The following TIAM1 variants were observed in gnomAD, a reference collection of about 807,000 sequenced individuals.
TIAM1 encodes rho guanine nucleotide exchange factor TIAM1.
A neutral mutation model predicts 163.5 loss-of-function variants in TIAM1; 65 were observed. That is an observed-to-expected ratio of 0.40 (90% CI 0.33 to 0.49). The LOEUF is 0.49. Ranked by LOEUF, TIAM1 falls within the 20% of genes least tolerant of loss-of-function variation. TIAM1 has a pLI of 0.77. For missense variants in TIAM1, 1,789 were observed against 2,044.7 expected, an observed-to-expected ratio of 0.87 and a Z score of 2.41; for synonymous variants, 833 against 810.1, an observed-to-expected ratio of 1.03 and a Z score of -0.48.
chr21:31,211,334 C>G (rs1022023223), intron 10 of TIAM1, among the ~76,000 whole-genome samples: 3 of 151,898 alleles, frequency 2.0e-5, no homozygotes, highest in Non-Finnish European at 2.9e-5. Flanking sequence ...AGGAGCCCCG[C>G]GAAATAAGCA....
chr21:31,382,238 G>A lies in TIAM1; in HGVS notation c.-368-42816C>T, dbSNP rs371188953. Among the ~76,000 whole-genome samples the A allele has an allele frequency of 2.6e-5, 4 of 152,290 alleles. No homozygotes were observed. In the East Asian group the frequency reaches 7.7e-4, roughly 29 times the overall value. On this transcript the variant is annotated intron_variant, in intron 2 of 28. Transcript: ENST00000286827. ...GACCTCTGGGGCTAGATGTTTGAACGCTTATCAGCGCACTGTATATCCGTA... is the reference window on the plus strand; with the variant it reads ...GACCTCTGGGGCTAGATGTTTGAACACTTATCAGCGCACTGTATATCCGTA...
intron 1 of TIAM1, among the ~76,000 whole-genome samples, chr21:31,341,674 A>G (rs889480148): frequency 3.3e-5 from 5 of 152,228 alleles, no homozygotes; most frequent in African/African-American, 9.6e-5. Flanking sequence ...TCACAAACAG[A>G]AAGTATATTT....
intron 1 of TIAM1, among the ~76,000 whole-genome samples, chr21:31,555,953 G>T (rs1457647426): frequency 6.6e-6 from 1 of 152,078 alleles, no homozygotes; most frequent in Non-Finnish European, 1.5e-5. Context: ...CTGGTTTAGA[G>T]GGGGAGGGGA....
chr21:31,458,588 C>T (rs1356185882), intron 2 of TIAM1, among the ~76,000 whole-genome samples: 1 of 152,182 alleles, frequency 6.6e-6, no homozygotes, highest in Non-Finnish European at 1.5e-5. Flanking sequence ...ACCTGCTTAG[C>T]AGACCTGTCT....
intron 15 of TIAM1, among the ~76,000 whole-genome samples, chr21:31,169,037 A>C (rs1316900413): frequency 6.6e-6 from 1 of 152,232 alleles, no homozygotes; most frequent in African/African-American, 2.4e-5. Context: ...TCATGCCTGT[A>C]ATCCCAGCAC....
intron 2 of TIAM1, among the ~76,000 whole-genome samples, chr21:31,389,447 G>C (rs928052411): frequency 2.0e-5 from 3 of 152,152 alleles, no homozygotes; most frequent in African/African-American, 7.2e-5. Flanking sequence ...GACCCCAGGT[G>C]ATCTGCCTGC....
chr21:31,415,680 A>C (rs997969660), intron 2 of TIAM1, among the ~76,000 whole-genome samples: 1 of 152,062 alleles, frequency 6.6e-6, no homozygotes, highest in African/African-American at 2.4e-5. Context: ...TACCATTCTC[A>C]GCTTCTACAC....
chr21:31,278,845 C>T (rs1038275361), intron 2 of TIAM1, among the ~76,000 whole-genome samples: 1 of 152,094 alleles, frequency 6.6e-6, no homozygotes, highest in African/African-American at 2.4e-5. Flanking sequence ...CGGCTCTCTG[C>T]GAATTTCCGA....
chr21:31,480,651 G>A (rs2046080902), intron 1 of TIAM1, among the ~76,000 whole-genome samples: 1 of 152,188 alleles, frequency 6.6e-6, no homozygotes, highest in South Asian at 2.1e-4. Context: ...TATCACCTTT[G>A]GAAGGAAGGA....
Position 31,135,843 on chromosome 21 carries a change from T to A in TIAM1, c.3883+90A>T, listed in dbSNP as rs187457045. ...AAGTAACTGCAATTAACTTTATTTT[T>A]AATCAATTGGGTCTTGAAAAAGAAA... On this transcript the variant is annotated intron_variant, in intron 23 of 27. Coordinates refer to ENST00000541036, the MANE Select transcript of TIAM1 (RefSeq NM_001353694.2). The A allele has an allele frequency of 1.7e-4, 202 of 1,219,370 alleles. No homozygotes were observed. In the African/African-American group the frequency reaches 2.6e-3, roughly 16 times the overall value. 75.5% of individuals were successfully genotyped at this position (1,219,370 alleles called of 1,614,324 possible). A position where few individuals can be genotyped will look rare whatever the true frequency, so the allele number is the denominator to read the frequency against.
chr21:31,127,848 C>T (rs928802464), intron 25 of TIAM1, among the ~76,000 whole-genome samples: 27 of 152,260 alleles, frequency 1.8e-4, no homozygotes, highest in South Asian at 1.7e-3. Context: ...GCCAGGGATA[C>T]GACAGGTAAG....
intron 1 of TIAM1, among the ~76,000 whole-genome samples, chr21:31,501,497 G>A (rs988258923): frequency 6.6e-5 from 10 of 152,074 alleles, no homozygotes; most frequent in Non-Finnish European, 1.5e-4. Context: ...CAAGCTCGAC[G>A]GCTTTCTTTG....
intron 15 of TIAM1, among the ~76,000 whole-genome samples, chr21:31,171,861 C>A (rs2084528209): frequency 6.6e-6 from 1 of 152,178 alleles, no homozygotes; most frequent in Non-Finnish European, 1.5e-5. Context: ...CCATGAGAGA[C>A]CCCAAGGAGA....
chr21:31,412,771 G>A (rs1207487034), intron 2 of TIAM1, among the ~76,000 whole-genome samples: 2 of 126,334 alleles, frequency 1.6e-5, no homozygotes, highest in African/African-American at 3.1e-5. Flanking sequence ...AAGAGAGCAA[G>A]ACTGTCTCAG....
chr21:31,255,010 A>T (rs1475222169), intron 4 of TIAM1, among the ~76,000 whole-genome samples: 1 of 152,150 alleles, frequency 6.6e-6, no homozygotes, highest in Non-Finnish European at 1.5e-5. Flanking sequence ...GCCTCAATGG[A>T]CACTCACCTC....
At chr21:31,331,854 T>G (rs189039677) in intron 2 of TIAM1, among the ~76,000 whole-genome samples, 1 of 152,262 alleles carries the variant, frequency 6.6e-6, no homozygotes, top group African/African-American at 2.4e-5. Context: ...GGCAGGCAAC[T>G]CACATTTCAA....
chr21:31,155,308 T>C (rs57004018), intron 16 of TIAM1, among the ~76,000 whole-genome samples: 1,558 of 152,308 alleles, frequency 0.01, 24 homozygotes, highest in African/African-American at 0.035. Flanking sequence ...TGAGAATCAC[T>C]GGGGAGCTTT....
chr21:31,558,500 A>G (rs2048972645), intron 1 of TIAM1, among the ~76,000 whole-genome samples: 1 of 151,992 alleles, frequency 6.6e-6, no homozygotes, highest in Admixed American at 6.5e-5. Flanking sequence ...ACATAGACAC[A>G]AGGATGCACA....
intron 2 of TIAM1, among the ~76,000 whole-genome samples, chr21:31,332,699 A>C (rs1028198675): frequency 5.9e-4 from 90 of 152,140 alleles, no homozygotes; most frequent in African/African-American, 2.1e-3. Context: ...ACCCAGAGAA[A>C]ATGCTCAAAC....
Sources: allele counts gnomAD v4.1 joint callset (sites outside exome capture counted in the v4.1 genomes callset), GRCh38; gene constraint gnomAD v4.1.1; transcripts MANE v1.5; gene names NCBI Gene and HGNC (gene_info 2026-07-23, HGNC 2026-07-21).